The following OTOGL variants were observed in gnomAD, a reference collection of about 807,000 sequenced individuals.
OTOGL encodes the protein otogelin-like protein.
A neutral mutation model predicts 318.5 loss-of-function variants in OTOGL; 285 were observed. The observed-to-expected ratio is 0.89, with a 90% CI of 0.81 to 0.99. OTOGL has a LOEUF of 0.99. Among genes scored for constraint, OTOGL ranks in the 50% least tolerant of loss-of-function variants. The pLI is 0.00. For synonymous variants in OTOGL, 987 were observed against 936.5 expected (o/e 1.05, Z -0.99); for missense variants, 2,899 against 2,845.6 (o/e 1.02, Z -0.43).
At chr12:80,127,832 C>A (rs1870954950) in intron 1 of OTOGL, among the ~76,000 whole-genome samples, 1 of 152,178 alleles carries the variant, frequency 6.6e-6, no homozygotes, top group Non-Finnish European at 1.5e-5. Flanking sequence ...TTGATAGAGT[C>A]AGCTACTGAG....
chr12:80,264,793 T>A (rs1391890980), intron 19 of OTOGL, among the ~76,000 whole-genome samples: 7 of 70,600 alleles, frequency 9.9e-5, no homozygotes, highest in Non-Finnish European at 3.2e-4. Context: ...CAATACACTA[T>A]TTTTTTTCCT....
At chr12:80,106,563 T>G (rs1869466245) in intron 1 of OTOGL, among the ~76,000 whole-genome samples, 1 of 152,192 alleles carries the variant, frequency 6.6e-6, no homozygotes, top group South Asian at 2.1e-4. Flanking sequence ...AACTGGCACA[T>G]ATTATAACAG....
chr12:80,277,261 T>C, intron 24 of OTOGL, among the ~76,000 whole-genome samples: 1 of 146,926 alleles, frequency 6.8e-6, no homozygotes, highest in South Asian at 2.1e-4. Flanking sequence ...AAATTATTGT[T>C]CTATTATTAT....
At chr12:80,188,326 TC>T (rs1299715854) in intron 1 of OTOGL, among the ~76,000 whole-genome samples, 3 of 151,582 alleles carry the variant, frequency 2.0e-5, no homozygotes, top group Non-Finnish European at 4.4e-5. Flanking sequence ...GATCACGAGG[TC>T]AGGAGTTCGA....
At chr12:80,321,801 TACTC>T (rs1234392106) in intron 34 of OTOGL, among the ~76,000 whole-genome samples, 1 of 152,116 alleles carries the variant, frequency 6.6e-6, no homozygotes, top group Non-Finnish European at 1.5e-5. Context: ...TGTGGTGACA[TACTC>T]ACAAAACAAG....
rs768024118 is a variant in OTOGL at position 80,355,900 on chromosome 12, G to T, written c.5758G>T (p.Val1920Phe). Residue 1920 changes from valine to phenylalanine, a missense_variant, in exon 47 of 59, where the codon GTC becomes TTC. This residue lies in a region of OTOGL where 2,607 missense variants were observed against 2,524.9 expected (regional missense o/e 1.03). Transcript: ENST00000547103. ...AGTTTGTGAACGAGAAGCTGAAGTT[G>T]TCATGGGCATCATTGATAAATGGAC... Reference protein sequence around the residue: ...TPVCEREAEVVMGIIDKWTCC... With the variant: ...TPVCEREAEVFMGIIDKWTCC... The T allele has an allele frequency of 5.0e-6, 8 of 1,613,840 alleles. No homozygotes were observed. The Admixed American group carries it at 5.0e-5, about 10-fold the overall frequency.
At chr12:80,325,109 T>A (rs1358038592) in intron 35 of OTOGL, among the ~76,000 whole-genome samples, 1 of 152,070 alleles carries the variant, frequency 6.6e-6, no homozygotes, top group Non-Finnish European at 1.5e-5. Flanking sequence ...TTTATGAGAA[T>A]CATTTTACAA....
intron 55 of OTOGL, among the ~76,000 whole-genome samples, chr12:80,368,661 T>C (rs1182921936): frequency 6.6e-6 from 1 of 152,108 alleles, no homozygotes; most frequent in East Asian, 1.9e-4. Flanking sequence ...TATTACTGTT[T>C]CTTGAATTTG....
intron 4 of OTOGL, among the ~76,000 whole-genome samples, chr12:80,215,597 G>T (rs1877643118): frequency 6.6e-6 from 1 of 152,170 alleles, no homozygotes; most frequent in South Asian, 2.1e-4. Flanking sequence ...AACCTGAGCG[G>T]GTTGAATAAT....
intron 26 of OTOGL, among the ~76,000 whole-genome samples, chr12:80,283,364 G>A (rs1353550553): frequency 1.3e-5 from 2 of 151,938 alleles, no homozygotes; most frequent in African/African-American, 4.8e-5. Flanking sequence ...CCTCATCTAT[G>A]TCTTTTCTCA....
chr12:80,268,378 C>T (rs1883160234), intron 22 of OTOGL, among the ~76,000 whole-genome samples: 1 of 152,080 alleles, frequency 6.6e-6, no homozygotes, highest in Admixed American at 6.6e-5. Flanking sequence ...AAATGGGATA[C>T]AGGTGGCTAA....
chr12:80,320,737 G>T, intron 34 of OTOGL, 37 bp downstream of exon 34: 1 of 1,502,364 alleles, frequency 6.7e-7, no homozygotes. Context: ...AGAACAAATA[G>T]GTAATTTATA....
chr12:80,138,138 T>G (rs1217406852), intron 1 of OTOGL, among the ~76,000 whole-genome samples: 1 of 152,160 alleles, frequency 6.6e-6, no homozygotes, highest in Non-Finnish European at 1.5e-5. Flanking sequence ...AAGTAGCTTT[T>G]GAATCAGAAT....
At chr12:80,114,454 G>A (rs930162005) in intron 1 of OTOGL, among the ~76,000 whole-genome samples, 2 of 152,144 alleles carry the variant, frequency 1.3e-5, no homozygotes, top group African/African-American at 4.8e-5. Context: ...ACACTTTTCT[G>A]GCTTGTAGGG....
intron 34 of OTOGL, among the ~76,000 whole-genome samples, chr12:80,321,679 T>A (rs1029417217): frequency 2.6e-5 from 4 of 152,216 alleles, no homozygotes; most frequent in African/African-American, 9.6e-5. Context: ...CAAACCCAGA[T>A]GCCAGAATTC....
intron 6 of OTOGL, among the ~76,000 whole-genome samples, chr12:80,220,456 G>A (rs1878203535): frequency 6.6e-6 from 1 of 152,056 alleles, no homozygotes; most frequent in African/African-American, 2.4e-5. Context: ...ACTGTGCCTG[G>A]CCAGTAATAG....
At chr12:80,125,084 A>T (rs1054749819) in intron 1 of OTOGL, among the ~76,000 whole-genome samples, 1 of 152,086 alleles carries the variant, frequency 6.6e-6, no homozygotes, top group African/African-American at 2.4e-5. Flanking sequence ...ATTGAATAGG[A>T]GTGGTGAGGG....
chr12:80,173,040 T>A (rs942693281), intron 1 of OTOGL, among the ~76,000 whole-genome samples: 1 of 152,140 alleles, frequency 6.6e-6, no homozygotes, highest in Non-Finnish European at 1.5e-5. Flanking sequence ...ATGGCACATG[T>A]TTACATATGT....
At position 80,278,307 on chromosome 12, in the gene OTOGL, T is replaced by C. The variant is rs140581396; in HGVS notation, c.2789+32T>C. On this transcript the variant is annotated intron_variant, in intron 25 of 58. Transcript: ENST00000547103. ...AGATCCATTTATTTCACAAATATTT[T>C]CCTAAGTAATTGTGTAAATTTCAAT... 160 of 1,420,388 alleles carry C rather than the reference T, an allele frequency of 1.1e-4. 2 individuals carry two copies. In the African/African-American group the frequency reaches 1.6e-3, roughly 14 times the overall value. The allele number at this position is 1,420,388 out of a possible 1,614,324, so 88.0% of individuals were successfully genotyped here. A position where few individuals can be genotyped will look rare whatever the true frequency, so the allele number is the denominator to read the frequency against.
Sources: gnomAD v4.1 joint callset for allele counts (sites outside exome capture counted in the v4.1 genomes callset) on GRCh38, gnomAD v4.1.1 for gene constraint, gnomAD v4.1.1 regional missense constraint, MANE v1.5 for transcripts, NCBI Gene and HGNC (gene_info 2026-07-23, HGNC 2026-07-21) for gene names.